Variants in ALLC observed in about 807,000 individuals in gnomAD.
ALLC encodes probable inactive allantoicase.
A neutral mutation model predicts 45.0 loss-of-function variants in ALLC; 40 were observed. That is an observed-to-expected ratio of 0.89 (90% confidence interval 0.69 to 1.16). The LOEUF is 1.16. Among genes scored for constraint, ALLC ranks in the 50% most tolerant of loss-of-function variants. ALLC has a pLI of 0.00. For synonymous variants in ALLC, 176 were observed against 178.1 expected (o/e 0.99, Z 0.09); for missense variants, 488 against 493.1 (o/e 0.99, Z 0.10).
chr2:3,666,249 C>G (rs998507925), intron 1 of ALLC, among the ~76,000 whole-genome samples: 1 of 152,178 alleles, frequency 6.6e-6, no homozygotes, highest in Non-Finnish European at 1.5e-5. Context: ...CGCTCTGTAC[C>G]GGGGCATAGT....
chr2:3,662,982 A>G (rs1395608232), intron 1 of ALLC, among the ~76,000 whole-genome samples: 2 of 152,222 alleles, frequency 1.3e-5, no homozygotes. Context: ...ACATGAGTTC[A>G]CTTTCCATGG....
At chr2:3,661,073 G>A (rs942341988) in intron 1 of ALLC, among the ~76,000 whole-genome samples, 2 of 152,014 alleles carry the variant, frequency 1.3e-5, no homozygotes, top group African/African-American at 4.8e-5. Flanking sequence ...GCCTGGGGTC[G>A]GACTCATCTG....
chr2:3,672,384 C>G (rs1403112201), intron 2 of ALLC, among the ~76,000 whole-genome samples: 7 of 90,490 alleles, frequency 7.7e-5, no homozygotes, highest in South Asian at 3.4e-4. Flanking sequence ...TATTTAGATC[C>G]GAGGTCCTCT....
rs190108466 is a variant in ALLC, at chr2:3,660,093, G to A, written c.-63+1799G>A. Among the ~76,000 whole-genome samples, 133 of 152,356 alleles carry A rather than the reference G, an allele frequency of 8.7e-4. 1 individual carries two copies. The highest frequency in any genetic ancestry group is 3.0e-3 in the African/African-American group (123 of 41,590). ...CCGTGTTGGAGGTGGGGCCCAGCGG[G>A]AGGAGTCTGGGTTATGGGGGCGGAT... is the stretch of plus-strand genomic sequence containing the variant. On this transcript the variant is annotated intron_variant, in intron 1 of 11. Transcript: ENST00000252505.
intron 7 of ALLC, among the ~76,000 whole-genome samples, chr2:3,692,707 C>T (rs1667555151): frequency 6.6e-6 from 1 of 152,146 alleles, no homozygotes; most frequent in Non-Finnish European, 1.5e-5. Context: ...GAACAAACCT[C>T]CTACAACATG....
rs1411798395 is a variant in ALLC at position 3,701,624 on chromosome 2, T to TG, written c.963_964insG (p.Pro322AlafsTer15). On this transcript the variant is annotated frameshift_variant, in exon 11 of 12. Transcript: ENST00000252505. LOFTEE classifies it high-confidence loss of function. Reference sequence around the variant, plus strand: ...CGGCCCACAAGTGGAAACCACTGCTTCCAGTGACCAAGGTTCGTGTGGCAT... The same window carrying TG: ...CGGCCCACAAGTGGAAACCACTGCTTGCCAGTGACCAAGGTTCGTGTGGCAT... 6.2e-7 allele frequency: 1 copy of TG among 1,611,710 alleles called. No homozygotes were observed. Among genetic ancestry groups the TG allele is most frequent in the South Asian group, 1.1e-5 (1 of 90,412 alleles).
At chr2:3,666,451 G>A (rs1025422493) in intron 1 of ALLC, among the ~76,000 whole-genome samples, 1 of 152,238 alleles carries the variant, frequency 6.6e-6, no homozygotes, top group Admixed American at 6.5e-5. Flanking sequence ...GGGGGAGCCC[G>A]TGGACTTGGT....
At chr2:3,651,320 G>GGT in the ALLC span, among the ~76,000 whole-genome samples, 1 of 49,186 alleles carries the variant, frequency 2.0e-5, no homozygotes, top group Non-Finnish European at 4.2e-5. Context: ...GGGTGGGGGG[G>GGT]GTGTGTGTGT....
chr2:3,664,375 C>T (rs995773619), intron 1 of ALLC, among the ~76,000 whole-genome samples: 8 of 152,144 alleles, frequency 5.3e-5, no homozygotes, highest in African/African-American at 1.7e-4. Context: ...GTAGCAGGGT[C>T]TTAACTACAA....
At chr2:3,645,870 G>A in the ALLC span, among the ~76,000 whole-genome samples, 1 of 152,106 alleles carries the variant, frequency 6.6e-6, no homozygotes, top group Non-Finnish European at 1.5e-5. This position sits in a 1 kb window ranked among gnomAD's most constrained non-coding sequence, Gnocchi z 4.3. Context: ...GGTGTTGTGG[G>A]GCGAGAGGGA....
At chr2:3,670,822 G>A (rs1558536666) in intron 1 of ALLC, among the ~76,000 whole-genome samples, 1 of 144,642 alleles carries the variant, frequency 6.9e-6, no homozygotes, top group African/African-American at 2.5e-5. Context: ...ATTTTGTGGC[G>A]ATAGGGTTTG....
chr2:3,698,642 T>G (rs1253674002), intron 10 of ALLC, among the ~76,000 whole-genome samples: 1 of 152,250 alleles, frequency 6.6e-6, no homozygotes, highest in East Asian at 1.9e-4. Flanking sequence ...GTTGGTACAC[T>G]TCTACAATTG....
At chr2:3,676,558 T>A (rs570087360) in intron 3 of ALLC, among the ~76,000 whole-genome samples, 1 of 152,218 alleles carries the variant, frequency 6.6e-6, no homozygotes, top group Admixed American at 6.5e-5. Context: ...TAAACCTGCT[T>A]TTCTCACTGC....
At chr2:3,667,254 C>T (rs929729773) in intron 1 of ALLC, among the ~76,000 whole-genome samples, 12 of 152,226 alleles carry the variant, frequency 7.9e-5, no homozygotes, top group African/African-American at 2.7e-4. Context: ...GCCTCTGTCA[C>T]GGCATTCCCT....
At chr2:3,676,380 A>G (rs1572514992) in intron 3 of ALLC, among the ~76,000 whole-genome samples, 1 of 152,020 alleles carries the variant, frequency 6.6e-6, no homozygotes, top group Non-Finnish European at 1.5e-5. Context: ...CTTCCTGGGC[A>G]CAAGCGATCC....
chr2:3,657,495 C>A (rs748052078), upstream of ALLC, among the ~76,000 whole-genome samples: 4 of 151,958 alleles, frequency 2.6e-5, no homozygotes, highest in Non-Finnish European at 5.9e-5. Context: ...GCGCAGGTGA[C>A]CTCGGGTGGC....
intron 1 of ALLC, among the ~76,000 whole-genome samples, chr2:3,666,675 C>T (rs113120299): frequency 0.033 from 5,030 of 152,314 alleles, 278 homozygotes; most frequent in African/African-American, 0.11. Context: ...ATGAGCACGC[C>T]GCGATGCTGC....
chr2:3,656,013 G>A (rs1321091150), upstream of ALLC, among the ~76,000 whole-genome samples: 1 of 152,224 alleles, frequency 6.6e-6, no homozygotes, highest in Non-Finnish European at 1.5e-5. Context: ...AATGGGGCGG[G>A]GGGAGGAAGA....
chr2:3,688,385 T>C (rs1043816707), intron 7 of ALLC: 10 of 169,988 alleles, frequency 5.9e-5, no homozygotes, highest in African/African-American at 2.2e-4. Context: ...TGTAGAGCCC[T>C]GTGGCCATCC....
Sources: gnomAD v4.1 joint callset for allele counts (sites outside exome capture counted in the v4.1 genomes callset) on GRCh38, gnomAD v4.1.1 for gene constraint, Gnocchi (gnomAD v3.1) non-coding constraint, MANE v1.5 for transcripts, NCBI Gene and HGNC (gene_info 2026-07-23, HGNC 2026-07-21) for gene names.